The following TPRG1 variants were observed in gnomAD, a reference collection of about 807,000 sequenced individuals.
TPRG1 encodes tumor protein p63 regulated 1.
In TPRG1, 29 loss-of-function variants were observed where a neutral mutation model predicts 29.3. That is an observed-to-expected ratio of 0.99 (90% CI 0.74 to 1.35). The LOEUF (loss-of-function observed/expected upper bound fraction) is 1.35, where lower values mean the gene tolerates loss of function less well. Among genes scored for constraint, TPRG1 ranks in the 40% most tolerant of loss-of-function variants. TPRG1 has a pLI of 0.00. For missense variants in TPRG1, 327 were observed against 335.0 expected (o/e 0.98, Z 0.19); for synonymous variants, 130 against 116.8 (o/e 1.11, Z -0.73).
At position 189,321,734 on chromosome 3, in the gene TPRG1, A is replaced by C. The variant is rs1724334556; in HGVS notation, c.*914A>C. ...TTTGTTCAAATATATATTTTTTAAT[A>C]ACAGACCTTTTTCTTCTAAAGAAAT... On this transcript the variant is annotated 3_prime_UTR_variant, in exon 6 of 6. Transcript: ENST00000345063. 1 of 152,154 alleles carries C rather than the reference A, an allele frequency of 6.6e-6. No homozygotes were observed. The highest frequency in any genetic ancestry group is 2.1e-4 in the South Asian group (1 of 4,834). The allele number at this position is 152,154 out of a possible 1,614,324, so 9.4% of individuals were successfully genotyped here. A position where few individuals can be genotyped will look rare whatever the true frequency, so the allele number is the denominator to read the frequency against.
At chr3:189,058,518 C>A (rs1413630672) in intron 4 of TPRG1, among the ~76,000 whole-genome samples, 1 of 152,240 alleles carries the variant, frequency 6.6e-6, no homozygotes, top group Non-Finnish European at 1.5e-5. Flanking sequence ...GTGTATCTAC[C>A]CTTTGTGGGG....
At chr3:189,234,641 T>C (rs1330766367) in intron 3 of TPRG1, among the ~76,000 whole-genome samples, 1 of 152,184 alleles carries the variant, frequency 6.6e-6, no homozygotes, top group East Asian at 1.9e-4. Context: ...GGCATATAGG[T>C]TGTGCAGTGC....
chr3:189,190,874 G>T (rs1257453526), intron 1 of TPRG1: 1 of 726,926 alleles, frequency 1.4e-6, no homozygotes, highest in East Asian at 1.3e-4. Flanking sequence ...TAGCTGCTTT[G>T]TGATTGAGTC....
In TPRG1 at chr3:189,121,085, T is replaced by C. The variant is rs142389726; in HGVS notation, c.-743-5972T>C. On this transcript the variant is annotated intron_variant, in intron 1 of 6. Transcript: ENST00000412373. ...ATAAAGATACAGATCTCTAAATTTT[T>C]ATTTTCTTAGAGGATAAAACCAAAA... Among the ~76,000 whole-genome samples the C allele has an allele frequency of 4.6e-5, 7 of 152,350 alleles. No homozygotes were observed. In the East Asian group the frequency reaches 1.3e-3, roughly 29 times the overall value.
intron 3 of TPRG1, among the ~76,000 whole-genome samples, chr3:189,009,671 T>A (rs1712491114): frequency 1.3e-5 from 2 of 152,064 alleles, no homozygotes; most frequent in Non-Finnish European, 2.9e-5. Flanking sequence ...CATTTATTAA[T>A]GCAAAGTTCT....
At chr3:189,076,709 T>C (rs1717195698) in intron 4 of TPRG1, among the ~76,000 whole-genome samples, 1 of 151,904 alleles carries the variant, frequency 6.6e-6, no homozygotes, top group African/African-American at 2.4e-5. Context: ...GATAAGATAA[T>C]GTAACTAAAA....
chr3:189,145,041 AT>A (rs1725059633), intron 3 of TPRG1, among the ~76,000 whole-genome samples: 1 of 152,246 alleles, frequency 6.6e-6, no homozygotes, highest in East Asian at 1.9e-4. Context: ...TACTTGAAAG[AT>A]TATCTGGAAG....
chr3:189,277,219 G>C (rs1716308587), intron 4 of TPRG1, among the ~76,000 whole-genome samples: 2 of 152,190 alleles, frequency 1.3e-5, no homozygotes, highest in Non-Finnish European at 2.9e-5. Flanking sequence ...TTAAAGCATT[G>C]AGTGTGTGAT....
At chr3:189,263,933 G>A (rs977026667) in intron 4 of TPRG1, among the ~76,000 whole-genome samples, 1 of 152,144 alleles carries the variant, frequency 6.6e-6, no homozygotes, top group Non-Finnish European at 1.5e-5. Flanking sequence ...GTATAGGCGT[G>A]GAGAGGCAGG....
At chr3:189,228,305 C>G (rs1738096185) in intron 3 of TPRG1, among the ~76,000 whole-genome samples, 1 of 151,826 alleles carries the variant, frequency 6.6e-6, no homozygotes, top group South Asian at 2.1e-4. Context: ...ATACCAAAAC[C>G]AAAGACAGTA....
chr3:189,275,107 T>G (rs1393051335), intron 4 of TPRG1, among the ~76,000 whole-genome samples: 1 of 152,122 alleles, frequency 6.6e-6, no homozygotes, highest in African/African-American at 2.4e-5. Flanking sequence ...CAGAATCACC[T>G]GCAGTGAAGT....
intron 4 of TPRG1, among the ~76,000 whole-genome samples, chr3:189,274,546 G>T (rs1050642161): frequency 6.6e-6 from 1 of 152,044 alleles, no homozygotes; most frequent in Non-Finnish European, 1.5e-5. Flanking sequence ...TGTGTAGTAG[G>T]GTGAGTAGTA....
intron 5 of TPRG1, among the ~76,000 whole-genome samples, chr3:189,318,464 C>G (rs145222996): frequency 1.3e-5 from 2 of 152,048 alleles, no homozygotes; most frequent in Non-Finnish European, 2.9e-5. Context: ...GTTGGAGAGT[C>G]GGCACTATAG....
intron 1 of TPRG1, chr3:189,191,116 A>T: frequency 4.2e-6 from 1 of 239,416 alleles, no homozygotes; most frequent in East Asian, 1.8e-4. Context: ...GACCATATTT[A>T]TACACATATG....
In TPRG1 at chr3:189,083,602, G is replaced by A. The variant is rs564711879; in HGVS notation, c.-462-43455G>A. On this transcript the variant is annotated intron_variant, in intron 4 of 10. Coordinates refer to the TPRG1 transcript ENST00000433971. ...TCCTATCTGGAAAATGAGGATTTGGGATTGGGTCTCAAAGGTTCCTCCTAG... is the reference window on the plus strand; with the variant it reads ...TCCTATCTGGAAAATGAGGATTTGGAATTGGGTCTCAAAGGTTCCTCCTAG... Among the ~76,000 whole-genome samples the A allele has an allele frequency of 1.6e-4, 25 of 152,288 alleles. 1 individual carries two copies. In the South Asian group the frequency reaches 4.6e-3, roughly 28 times the overall value.
intron 1 of TPRG1, among the ~76,000 whole-genome samples, chr3:189,193,132 A>T (rs1488947914): frequency 5.2e-4 from 47 of 90,210 alleles, no homozygotes; most frequent in South Asian, 1.3e-3. Context: ...TTGACTTTTA[A>T]TTTTTTTTTT....
intron 1 of TPRG1, among the ~76,000 whole-genome samples, chr3:189,122,948 A>C (rs917407628): frequency 1.3e-5 from 2 of 152,220 alleles, no homozygotes; most frequent in Admixed American, 1.3e-4. Flanking sequence ...GCCAGGCACT[A>C]TTCTAGTTTT....
chr3:189,168,249 A>G (rs1728390419), upstream of TPRG1, among the ~76,000 whole-genome samples: 1 of 152,230 alleles, frequency 6.6e-6, no homozygotes, highest in African/African-American at 2.4e-5. Context: ...TAAAATATGC[A>G]TATTTCCAAC....
intron 3 of TPRG1, among the ~76,000 whole-genome samples, chr3:189,237,274 C>T (rs995383192): frequency 6.6e-6 from 1 of 152,060 alleles, no homozygotes; most frequent in Non-Finnish European, 1.5e-5. Context: ...ATGGAACACA[C>T]ATACACACAC....
Sources: allele counts gnomAD v4.1 joint callset (sites outside exome capture counted in the v4.1 genomes callset), GRCh38; gene constraint gnomAD v4.1.1; transcripts MANE v1.5; gene names NCBI Gene and HGNC (gene_info 2026-07-23, HGNC 2026-07-21).